Variants in SAMTOR observed in about 807,000 individuals in gnomAD.
The protein encoded by SAMTOR is S-adenosylmethionine sensor upstream of mTORC1.
chr7:112,877,583 CAAT>C, the SAMTOR span, among the ~76,000 whole-genome samples: 1 of 152,058 alleles, frequency 6.6e-6, no homozygotes, highest in East Asian at 1.9e-4. Context: ...AAAAATTTAT[CAAT>C]AAGAATGGCA....
the SAMTOR span, among the ~76,000 whole-genome samples, chr7:112,843,630 T>TA: frequency 3.1e-3 from 472 of 151,862 alleles, 2 homozygotes; most frequent in African/African-American, 0.011. Flanking sequence ...TAATGAGCTC[T>TA]ACAGTTGAAT....
At chr7:112,863,587 G>GA in the SAMTOR span, among the ~76,000 whole-genome samples, 4 of 149,572 alleles carry the variant, frequency 2.7e-5, no homozygotes, top group Middle Eastern at 3.4e-3. Flanking sequence ...AAATTTACAA[G>GA]AAAAAAAACA....
At chr7:112,908,683 A>G in the SAMTOR span, among the ~76,000 whole-genome samples, 1 of 152,314 alleles carries the variant, frequency 6.6e-6, no homozygotes, top group South Asian at 2.1e-4. Flanking sequence ...GTACATATGC[A>G]TATGTACATG....
chr7:112,833,530 T>A, the SAMTOR span, among the ~76,000 whole-genome samples: 1,359 of 152,270 alleles, frequency 8.9e-3, 23 homozygotes, highest in African/African-American at 0.031. Context: ...TATAAAAAAT[T>A]TGTATTTCTT....
the SAMTOR span, among the ~76,000 whole-genome samples, chr7:112,894,017 CCTAA>C: frequency 1.3e-4 from 20 of 152,370 alleles, no homozygotes; most frequent in East Asian, 5.8e-4. Context: ...GACATGCCTA[CCTAA>C]CTAAGTTTAA....
At chr7:112,931,528 T>A in the SAMTOR span, among the ~76,000 whole-genome samples, 1 of 152,192 alleles carries the variant, frequency 6.6e-6, no homozygotes. Context: ...GTTATTCCCT[T>A]GTGAAAGTGA....
the SAMTOR span, among the ~76,000 whole-genome samples, chr7:112,904,475 C>G: frequency 6.6e-6 from 1 of 151,878 alleles, no homozygotes; most frequent in Non-Finnish European, 1.5e-5. Flanking sequence ...CACAGAATAT[C>G]TAAAAATAAT....
chr7:112,939,467 G>T, the SAMTOR span: 26 of 1,449,872 alleles, frequency 1.8e-5, no homozygotes, highest in Non-Finnish European at 2.0e-5. Context: ...GAGAGCAGCA[G>T]CGGCTGGGGG....
At chr7:112,910,906 G>C in the SAMTOR span, among the ~76,000 whole-genome samples, 1 of 152,012 alleles carries the variant, frequency 6.6e-6, no homozygotes, top group Non-Finnish European at 1.5e-5. Flanking sequence ...AAAAAACAAC[G>C]TATTAAAAAG....
the SAMTOR span, among the ~76,000 whole-genome samples, chr7:112,936,762 GC>G: frequency 6.6e-6 from 1 of 151,800 alleles, no homozygotes; most frequent in Non-Finnish European, 1.5e-5. Flanking sequence ...TTCCTTCCCT[GC>G]CATCTCTCCC....
the SAMTOR span, among the ~76,000 whole-genome samples, chr7:112,860,063 T>C: frequency 2.0e-5 from 3 of 152,216 alleles, no homozygotes; most frequent in Non-Finnish European, 4.4e-5. Context: ...TTTTAATCTT[T>C]TATAATCATA....
the SAMTOR span, chr7:112,821,960 G>T: frequency 6.2e-7 from 1 of 1,612,930 alleles, no homozygotes; most frequent in Non-Finnish European, 8.5e-7. Flanking sequence ...ACATTCCTGG[G>T]TAGTTCCTAC....
the SAMTOR span, among the ~76,000 whole-genome samples, chr7:112,905,361 A>G: frequency 1.3e-5 from 2 of 152,196 alleles, no homozygotes; most frequent in Non-Finnish European, 2.9e-5. Context: ...TCACCTCTAT[A>G]AATTAAAATT....
the SAMTOR span, among the ~76,000 whole-genome samples, chr7:112,876,511 C>T: frequency 6.6e-6 from 1 of 152,242 alleles, no homozygotes; most frequent in Non-Finnish European, 1.5e-5. Flanking sequence ...TCAGCACAAC[C>T]TTTGTATTTC....
the SAMTOR span, among the ~76,000 whole-genome samples, chr7:112,936,890 C>T: frequency 6.6e-6 from 1 of 152,166 alleles, no homozygotes; most frequent in African/African-American, 2.4e-5. Context: ...CCACTTCCTG[C>T]TTCTCATTTT....
At chr7:112,878,296 G>A in the SAMTOR span, among the ~76,000 whole-genome samples, 3 of 152,134 alleles carry the variant, frequency 2.0e-5, no homozygotes, top group African/African-American at 7.2e-5. Flanking sequence ...TTGTGCCAAG[G>A]TGCCAGCAGT....
chr7:112,902,426 A>C, the SAMTOR span, among the ~76,000 whole-genome samples: 59 of 100,556 alleles, frequency 5.9e-4, 7 homozygotes, highest in African/African-American at 1.8e-3. Context: ...CAAAAAAAAA[A>C]AACAAAAAAA....
the SAMTOR span, chr7:112,939,275 A>AGCG: frequency 2.8e-6 from 1 of 362,226 alleles, no homozygotes; most frequent in Non-Finnish European, 5.0e-6. Flanking sequence ...CTCCTCTGTG[A>AGCG]GCGTGTATGT....
the SAMTOR span, chr7:112,821,205 T>TC: frequency 6.6e-6 from 1 of 152,428 alleles, no homozygotes; most frequent in African/African-American, 2.4e-5. Flanking sequence ...TACAAAAAGT[T>TC]CAGTAAATAT....
Sources: allele counts gnomAD v4.1 joint callset (sites outside exome capture counted in the v4.1 genomes callset), GRCh38; gene constraint gnomAD v4.1.1; transcripts MANE v1.5; gene names NCBI Gene and HGNC (gene_info 2026-07-23, HGNC 2026-07-21).